The following SFTPB variants were observed in gnomAD, a reference collection of about 807,000 sequenced individuals.
SFTPB encodes the protein surfactant protein B.
In SFTPB, 32 loss-of-function variants were observed where a neutral mutation model predicts 51.0. That is an observed-to-expected ratio of 0.63 (90% CI 0.47 to 0.84). SFTPB has a LOEUF of 0.84. Ranked by LOEUF, SFTPB falls within the 40% of genes least tolerant of loss-of-function variation. The pLI, the probability that SFTPB is intolerant of heterozygous loss-of-function variation, is 0.00. For missense variants in SFTPB, 431 were observed against 491.2 expected (o/e 0.88, Z 1.16); for synonymous variants, 211 against 208.5 (o/e 1.01, Z -0.10).
chr2:85,666,420 G>A, intron 4 of SFTPB, 197 bp downstream of exon 4: 2 of 538,426 alleles, frequency 3.7e-6, no homozygotes, highest in Non-Finnish European at 6.6e-6. Context: ...GCCAGCTGGG[G>A]TGTTGTGTGT....
At chr2:85,667,268 G>A (rs1466223426) in intron 2 of SFTPB, 91 bp from the exon 3 acceptor site, 1 of 968,260 alleles carries the variant, frequency 1.0e-6, no homozygotes, top group African/African-American at 1.6e-5. Flanking sequence ...GAGGCCAACA[G>A]AGCACTCCAA....
At chr2:85,666,359 C>CTGTG (rs57610071) in intron 4 of SFTPB, among the ~76,000 whole-genome samples, 6 of 106,114 alleles carry the variant, frequency 5.7e-5, no homozygotes, top group African/African-American at 2.2e-4. Flanking sequence ...GGATAGGGTG[C>CTGTG]TGTGTGTGTG....
At chr2:85,662,218 C>T (rs1677343536) in intron 8 of SFTPB, 109 bp from the exon 9 acceptor site, 1 of 1,538,104 alleles carries the variant, frequency 6.5e-7, no homozygotes, top group Non-Finnish European at 8.8e-7. Context: ...CTCCCGACTC[C>T]TCCATCAGCC....
chr2:85,661,340 G>C, intron 10 of SFTPB, 114 bp downstream of exon 10: 2 of 728,524 alleles, frequency 2.7e-6, no homozygotes, highest in Non-Finnish European at 4.8e-6. Flanking sequence ...AGGGAGGATG[G>C]AGCAGCCGGC....
In SFTPB at chr2:85,666,423, T is replaced by TTG. The variant is rs34334231; in HGVS notation, c.393+192_393+193dup. On this transcript the variant is annotated intron_variant, in intron 4 of 10. Transcript: ENST00000519937. The stretch of plus-strand genomic sequence containing the variant: ...TGTGTGTGTCCGGCCAGCTGGGGTG[T>TTG]TGTGTGTGTGTGTGTGTGTGTGTCC... The TTG allele has an allele frequency of 0.038, 15,792 of 416,572 alleles. 757 individuals are homozygous for TTG. Among genetic ancestry groups the TTG allele is most frequent in the African/African-American group, 0.23 (6,650 of 28,972 alleles). 25.8% of individuals were successfully genotyped at this position (416,572 alleles called of 1,614,324 possible). A position where few individuals can be genotyped will look rare whatever the true frequency, so the allele number is the denominator to read the frequency against.
rs753242123 is a variant in SFTPB, at chr2:85,663,436, G to A, written c.912C>T (p.Ser304=). Residue 304 remains serine, a synonymous_variant, in exon 8 of 11, where the codon TCC becomes TCT. Transcript: ENST00000519937. The stretch of plus-strand genomic sequence containing the variant: ...TGCTGTTCCCGGCCTGGGTGGTCAC[G>A]GACATGCAGAGGTGGCACTCAGAGT... ...PRDSECHLCM[S]VTTQAGNSSE... 5.0e-6 allele frequency: 8 copies of A among 1,613,982 alleles called. No homozygotes were observed. Among genetic ancestry groups the A allele is most frequent in the African/African-American group, 2.7e-5 (2 of 75,046 alleles).
intron 4 of SFTPB, 119 bp downstream of exon 4, chr2:85,666,497 GT>G: frequency 3.5e-6 from 2 of 564,646 alleles, no homozygotes; most frequent in Admixed American, 3.2e-5. Flanking sequence ...TGGGTGCTGT[GT>G]GTGTGTGTGT....
rs1350194913 is a variant in SFTPB at position 85,665,366 on chromosome 2, G to A, written c.595C>T (p.Gln199Ter). The change falls in exon 6 of 11, where the codon CAG (glutamine) becomes TAG (stop). Residue 199 changes from glutamine (Q) to a stop codon, truncating the protein, a stop_gained. Coordinates refer to ENST00000519937, the MANE Select transcript of SFTPB (RefSeq NM_000542.5). LOFTEE classifies it high-confidence loss of function. ...PGPHTQDLSEQQFPIPLPYCW... is the reference protein window; with the variant it reads ...PGPHTQDLSE ...TAGGGGAGAGGAATGGGGAATTGCT[G>A]CTCGGAGAGATCCTGGGGAAAGAAT... 9 of 1,613,894 alleles carry A rather than the reference G, an allele frequency of 5.6e-6. No homozygotes were observed. Among genetic ancestry groups the A allele is most frequent in the Non-Finnish European group, 7.6e-6 (9 of 1,179,804 alleles).
intron 4 of SFTPB, among the ~76,000 whole-genome samples, chr2:85,666,172 G>A (rs1256050021): frequency 1.4e-5 from 2 of 147,266 alleles, no homozygotes; most frequent in Non-Finnish European, 3.0e-5. Flanking sequence ...TGGACAGGGT[G>A]TGTGTGTGTG....
intron 10 of SFTPB, among the ~76,000 whole-genome samples, chr2:85,660,325 G>GGGTTT (rs1475661522): frequency 2.1e-5 from 3 of 144,794 alleles, no homozygotes; most frequent in African/African-American, 7.9e-5. Context: ...AGTAGATACG[G>GGGTTT]GGTTTCATCA....
chr2:85,667,624 C>T lies in SFTPB; in HGVS notation c.195+55G>A, dbSNP rs1458962999. On this transcript the variant is annotated intron_variant, in intron 2 of 10. Transcript: ENST00000519937. ...TCTCCTCCTGCCCATCCAGAGCCCA[C>T]CCAGCACCCTTCATTTCAGACCCCC... 8.7e-6 allele frequency: 14 copies of T among 1,613,536 alleles called. No homozygotes were observed. The Admixed American group carries it at 2.3e-4, about 27-fold the overall frequency.
intron 8 of SFTPB, chr2:85,662,402 A>G (rs2040349): frequency 1.1e-5 from 9 of 805,838 alleles, no homozygotes; most frequent in South Asian, 4.0e-5. Context: ...CTAGAAGGAA[A>G]CTTAACGTTC....
rs762058470 is a variant in SFTPB, at chr2:85,665,714, G to T, written c.474C>A (p.Asp158Glu). 7 of 1,614,098 alleles carry T rather than the reference G, an allele frequency of 4.3e-6. No homozygotes were observed. In the East Asian group the frequency reaches 8.9e-5, roughly 21 times the overall value. ...GGTCCCGCAGAGGTTTGGGCAGGGG[G>T]TCTGACATCCCTGGCTCCTGCTCTG... ...PEPEQEPGMS[D>E]PLPKPLRDPL... The change falls in exon 5 of 11, where the codon GAC (aspartate) becomes GAA (glutamate). Residue 158 changes from aspartate (D) to glutamate (E), a missense_variant. Physicochemically the swap from Asp to Glu is conservative, Grantham distance 45. Coordinates refer to ENST00000519937, the MANE Select transcript of SFTPB (RefSeq NM_000542.5).
intron 6 of SFTPB, among the ~76,000 whole-genome samples, chr2:85,664,711 C>T (rs1356961297): frequency 6.6e-6 from 1 of 152,234 alleles, no homozygotes; most frequent in Non-Finnish European, 1.5e-5. Flanking sequence ...AACCACCTGC[C>T]TCAGCAGGAA....
rs767058416 is a variant in SFTPB at position 85,666,609 on chromosome 2, G to C, written c.393+8C>G. On this transcript the variant is annotated splice_region_variant and intron_variant, in intron 4 of 10. Transcript: ENST00000519937. ...GAGGCAGGCAGGAGGTGAGCTTGCA[G>C]CCCTCACAGTCTGGTTCTGGAAGTA... 10 of 1,613,264 alleles carry C rather than the reference G, an allele frequency of 6.2e-6. No homozygotes were observed. The highest frequency in any genetic ancestry group is 8.5e-6 in the Non-Finnish European group (10 of 1,179,572).
At chr2:85,668,569 G>T, upstream of SFTPB, 1 of 306,552 alleles carries the variant, frequency 3.3e-6, no homozygotes, top group Non-Finnish European at 6.2e-6. Flanking sequence ...GGCCTCCCAG[G>T]CCCCCTCTAC....
In SFTPB at chr2:85,666,497, G is replaced by C. The variant is rs1203045275; in HGVS notation, c.393+120C>G. On this transcript the variant is annotated intron_variant, in intron 4 of 10. Transcript: ENST00000519937. ...TGTGTCTGGCCGGCTTGGGTGCTGT[G>C]TGTGTGTGTGTGTGTGTGTGTGTGT... 15 of 564,664 alleles carry C rather than the reference G, an allele frequency of 2.7e-5. No individual in the cohort carries two copies. In the Admixed American group the frequency reaches 3.2e-4, roughly 12 times the overall value. 35.0% of individuals were successfully genotyped at this position (564,664 alleles called of 1,614,324 possible). A position where few individuals can be genotyped will look rare whatever the true frequency, so the allele number is the denominator to read the frequency against.
In SFTPB at chr2:85,663,861, G is replaced by T. The variant is rs778349143; in HGVS notation, c.673-14C>A. The T allele has an allele frequency of 1.3e-6, 2 of 1,572,036 alleles. No individual in the cohort carries two copies. Among genetic ancestry groups the T allele is most frequent in the East Asian group, 2.3e-5 (1 of 43,272 alleles). ...AGCTAGCGCACCCTGGGGCGGGGGCGGAGAGAGGCCAGCATGGGACCTTCA... is the reference window on the plus strand; with the variant it reads ...AGCTAGCGCACCCTGGGGCGGGGGCTGAGAGAGGCCAGCATGGGACCTTCA... On this transcript the variant is annotated splice_polypyrimidine_tract_variant and intron_variant, in intron 6 of 10. Transcript: ENST00000519937.
Position 85,667,608 on chromosome 2 carries a change from G to A in SFTPB, c.195+71C>T, listed in dbSNP as rs1573479979. 6 of 1,600,200 alleles carry A rather than the reference G, an allele frequency of 3.7e-6. No individual in the cohort carries two copies. The East Asian group carries it at 8.9e-5, about 24-fold the overall frequency. ...CCTATGGGGGCTCCACTCTCCTCCTGCCCATCCAGAGCCCACCCAGCACCC... is the reference window on the plus strand; with the variant it reads ...CCTATGGGGGCTCCACTCTCCTCCTACCCATCCAGAGCCCACCCAGCACCC... On this transcript the variant is annotated intron_variant, in intron 2 of 10. Coordinates refer to ENST00000519937, the MANE Select transcript of SFTPB (RefSeq NM_000542.5).
Sources: allele counts gnomAD v4.1 joint callset (sites outside exome capture counted in the v4.1 genomes callset), GRCh38; gene constraint gnomAD v4.1.1; transcripts MANE v1.5; gene names NCBI Gene and HGNC (gene_info 2026-07-23, HGNC 2026-07-21).